The following MAP3K5 variants were observed in gnomAD, a reference collection of about 807,000 sequenced individuals.
MAP3K5 encodes the protein ASK-1.
Under a neutral mutation model 158.7 loss-of-function variants are expected in MAP3K5, and 56 were observed. The ratio of observed to expected loss-of-function variants is 0.35; its 90% CI spans 0.28 to 0.44. The LOEUF (loss-of-function observed/expected upper bound fraction) is 0.44, where lower values mean the gene tolerates loss of function less well. MAP3K5 is among the 20% of genes least tolerant of loss of function. MAP3K5 has a pLI of 1.00. For synonymous variants in MAP3K5, 579 were observed against 601.7 expected (o/e 0.96, Z 0.55); for missense variants, 1,294 against 1,674.8 (o/e 0.77, Z 3.97).
chr6:136,590,211 T>A (rs1296965238), intron 23 of MAP3K5, among the ~76,000 whole-genome samples: 2 of 152,308 alleles, frequency 1.3e-5, no homozygotes, highest in East Asian at 3.9e-4. Flanking sequence ...GATGGGCCAC[T>A]GGATCTTGGA....
intron 21 of MAP3K5, among the ~76,000 whole-genome samples, chr6:136,594,497 A>G (rs1316975286): frequency 6.6e-6 from 1 of 152,230 alleles, no homozygotes; most frequent in African/African-American, 2.4e-5. Context: ...TGAGATGTCA[A>G]GTCCCTAAAG....
chr6:136,778,710 C>T (rs915548254), intron 1 of MAP3K5, among the ~76,000 whole-genome samples: 1 of 152,056 alleles, frequency 6.6e-6, no homozygotes, highest in Non-Finnish European at 1.5e-5. Flanking sequence ...GAATAGATTC[C>T]GGAATCTGAC....
At chr6:136,717,684 T>C (rs1401785753) in intron 2 of MAP3K5, among the ~76,000 whole-genome samples, 1 of 152,194 alleles carries the variant, frequency 6.6e-6, no homozygotes, top group African/African-American at 2.4e-5. Flanking sequence ...CTTTAACTAA[T>C]TGACCAGAAA....
intron 1 of MAP3K5, among the ~76,000 whole-genome samples, chr6:136,745,158 T>G (rs1782881465): frequency 6.6e-6 from 1 of 151,374 alleles, no homozygotes; most frequent in Non-Finnish European, 1.5e-5. Flanking sequence ...TTTTTTTTTT[T>G]TTTTTTTGAG....
intron 1 of MAP3K5, among the ~76,000 whole-genome samples, chr6:136,760,001 T>A (rs1333196216): frequency 6.6e-6 from 1 of 152,156 alleles, no homozygotes; most frequent in Non-Finnish European, 1.5e-5. Context: ...AATATTATCA[T>A]GGTAAATATC....
chr6:136,670,935 A>G (rs1368592289), intron 7 of MAP3K5, among the ~76,000 whole-genome samples: 4 of 152,178 alleles, frequency 2.6e-5, no homozygotes, highest in African/African-American at 9.6e-5. Context: ...TGAAAAAAGT[A>G]TATACACCTA....
chr6:136,753,547 T>C (rs1395739466), intron 1 of MAP3K5, among the ~76,000 whole-genome samples: 2 of 152,310 alleles, frequency 1.3e-5, no homozygotes, highest in South Asian at 2.1e-4. Flanking sequence ...TTGATAATCT[T>C]GTTAAAATAC....
intron 8 of MAP3K5, among the ~76,000 whole-genome samples, chr6:136,660,186 A>G (rs1173686321): frequency 1.3e-5 from 2 of 152,250 alleles, no homozygotes; most frequent in Non-Finnish European, 2.9e-5. Context: ...TGCATACAGT[A>G]TATATATTTC....
chr6:136,600,665 A>T (rs530832347), intron 21 of MAP3K5, among the ~76,000 whole-genome samples: 32 of 152,316 alleles, frequency 2.1e-4, no homozygotes, highest in African/African-American at 7.7e-4. Context: ...TGACAGAGGA[A>T]GGTATCTGGC....
At chr6:136,749,075 A>C (rs1783080336) in intron 1 of MAP3K5, among the ~76,000 whole-genome samples, 1 of 152,252 alleles carries the variant, frequency 6.6e-6, no homozygotes, top group South Asian at 2.1e-4. Flanking sequence ...ACAGTGGCTC[A>C]TGCCTATAAT....
At chr6:136,645,351 G>C (rs1778200512) in intron 11 of MAP3K5, among the ~76,000 whole-genome samples, 1 of 152,102 alleles carries the variant, frequency 6.6e-6, no homozygotes, top group South Asian at 2.1e-4. Context: ...CTAGAATCAG[G>C]GGTAAGCATG....
At chr6:136,688,121 T>A (rs1016638327) in intron 7 of MAP3K5, among the ~76,000 whole-genome samples, 1 of 152,002 alleles carries the variant, frequency 6.6e-6, no homozygotes, top group Admixed American at 6.6e-5. Flanking sequence ...CCTTTGCAGG[T>A]ACATGGATGA....
chr6:136,696,601 C>T (rs1228298573), intron 5 of MAP3K5, among the ~76,000 whole-genome samples: 1 of 152,110 alleles, frequency 6.6e-6, no homozygotes. Context: ...AAAGGAGAAA[C>T]CAGATGTCAT....
At chr6:136,564,073 G>C (rs1052969479) in intron 26 of MAP3K5, among the ~76,000 whole-genome samples, 3 of 152,180 alleles carry the variant, frequency 2.0e-5, no homozygotes, top group Non-Finnish European at 4.4e-5. Flanking sequence ...GAAAACTAAA[G>C]CTTCCAGAAA....
chr6:136,674,603 CA>C, intron 7 of MAP3K5, among the ~76,000 whole-genome samples: 1 of 151,984 alleles, frequency 6.6e-6, no homozygotes, highest in East Asian at 1.9e-4. Context: ...GATATAGCCC[CA>C]ACTATCAGTT....
chr6:136,768,651 C>T (rs1020508754), intron 1 of MAP3K5, among the ~76,000 whole-genome samples: 13 of 151,814 alleles, frequency 8.6e-5, no homozygotes, highest in Non-Finnish European at 1.8e-4. Context: ...TGGTGGCTCA[C>T]GCCTGTAATC....
chr6:136,792,024 T>G lies in MAP3K5; in HGVS notation c.134A>C (p.Gln45Pro). 1.3e-6 allele frequency: 2 copies of G among 1,571,314 alleles called. No homozygotes were observed. The highest frequency in any genetic ancestry group is 1.4e-5 in the African/African-American group (1 of 72,508). Residue 45 changes from glutamine (Q) to proline (P), a missense_variant, in exon 1 of 30, where the codon CAG becomes CCG. By Grantham distance (76) the Gln-to-Pro change is moderately conservative (BLOSUM62 -1). Transcript: ENST00000359015. This position sits in a 1 kb window ranked among gnomAD's most constrained non-coding sequence, Gnocchi z 5.7. ...AAAVGEGEEH[Q>P]LPPPPPGSFW... is the part of the protein sequence containing the mutation. ...GCTGCCCGGCGGCGGCGGTGGCAGC[T>G]GGTGCTCCTCGCCCTCGCCCACCGC...
intron 8 of MAP3K5, among the ~76,000 whole-genome samples, chr6:136,659,747 T>C (rs1213927587): frequency 6.6e-6 from 1 of 152,200 alleles, no homozygotes; most frequent in African/African-American, 2.4e-5. Flanking sequence ...TAGTTTAACG[T>C]GTACAGAGTT....
intron 1 of MAP3K5, among the ~76,000 whole-genome samples, chr6:136,773,176 T>C (rs929450805): frequency 2.6e-5 from 4 of 152,188 alleles, no homozygotes; most frequent in African/African-American, 9.7e-5. Context: ...CCCTGTTAAA[T>C]AACACCTGAG....
Sources: gnomAD v4.1 joint callset for allele counts (sites outside exome capture counted in the v4.1 genomes callset) on GRCh38, gnomAD v4.1.1 for gene constraint, Gnocchi (gnomAD v3.1) non-coding constraint, MANE v1.5 for transcripts, NCBI Gene and HGNC (gene_info 2026-07-23, HGNC 2026-07-21) for gene names.